JAKMIP3: variants seen among roughly 807,000 people sequenced by gnomAD.
The protein encoded by JAKMIP3 is janus kinase and microtubule-interacting protein 3.
A neutral mutation model predicts 118.5 loss-of-function variants in JAKMIP3; 58 were observed. The ratio of observed to expected loss-of-function variants is 0.49; its 90% CI spans 0.40 to 0.61. The LOEUF (loss-of-function observed/expected upper bound fraction) is 0.61, where lower values mean the gene tolerates loss of function less well. JAKMIP3 is among the 20% of genes least tolerant of loss of function. The pLI, the probability that JAKMIP3 is intolerant of heterozygous loss-of-function variation, is 0.00. For synonymous variants in JAKMIP3, 486 were observed against 451.2 expected (o/e 1.08, Z -0.98); for missense variants, 950 against 1,109.0 (o/e 0.86, Z 2.04).
Position 132,129,815 on chromosome 10 carries a change from G to T in JAKMIP3, c.634-3497G>T, listed in dbSNP as rs555535790. Among the ~76,000 whole-genome samples the T allele has an allele frequency of 2.6e-5, 4 of 151,732 alleles. No individual in the cohort carries two copies. In the South Asian group the frequency reaches 8.3e-4, roughly 32 times the overall value. ...TTCTAGACTTGTTCATCGCAGAAGG[G>T]TAAGTCTAATGCCAACTACCCCATC... On this transcript the variant is annotated intron_variant, in intron 3 of 23. Coordinates refer to ENST00000684848, the MANE Select transcript of JAKMIP3 (RefSeq NM_001323087.2).
chr10:132,120,887 C>T (rs944024048), intron 3 of JAKMIP3, among the ~76,000 whole-genome samples: 7 of 152,190 alleles, frequency 4.6e-5, no homozygotes, highest in South Asian at 2.1e-4. Flanking sequence ...GTTAAATCTA[C>T]GCGTGAGGTG....
In JAKMIP3 at chr10:132,116,979, G is replaced by A. The variant is rs1444497265; in HGVS notation, c.136-98G>A. 1.7e-5 allele frequency: 23 copies of A among 1,322,330 alleles called. No homozygotes were observed. The East Asian group carries it at 5.3e-4, about 31-fold the overall frequency. The allele number at this position is 1,322,330 out of a possible 1,614,324, so 81.9% of individuals were successfully genotyped here. ...CCCTTGAATACACATTCAGGTGTGA[G>A]TGTGTGCAACGTGGAAGCTCCCCCA... On this transcript the variant is annotated intron_variant, in intron 2 of 23. Transcript: ENST00000684848.
At chr10:132,147,900 C>G (rs1012259439) in intron 13 of JAKMIP3, 52 bp from the exon 14 acceptor site, 46 of 1,349,962 alleles carry the variant, frequency 3.4e-5, no homozygotes, top group Admixed American at 2.4e-4. Flanking sequence ...CTCCCAAGAC[C>G]TCTGGTGAGA....
chr10:132,177,054 G>A (rs184432224), intron 23 of JAKMIP3, among the ~76,000 whole-genome samples: 2 of 152,274 alleles, frequency 1.3e-5, no homozygotes, highest in Admixed American at 6.5e-5. Flanking sequence ...GAAACTGAAC[G>A]ACTGACTTGA....
intron 3 of JAKMIP3, among the ~76,000 whole-genome samples, chr10:132,127,275 G>A (rs1266346061): frequency 6.7e-6 from 1 of 148,602 alleles, no homozygotes; most frequent in African/African-American, 2.5e-5. Flanking sequence ...CCAGGCTAGA[G>A]TGCAATGGTG....
At chr10:132,077,984 G>A (rs2041096699) in intron 1 of JAKMIP3, among the ~76,000 whole-genome samples, 1 of 152,162 alleles carries the variant, frequency 6.6e-6, no homozygotes, top group South Asian at 2.1e-4. Context: ...GCTAATTTTT[G>A]TATTTTTAGT....
At chr10:132,085,564 G>A (rs1442143170) in intron 1 of JAKMIP3, among the ~76,000 whole-genome samples, 7 of 150,714 alleles carry the variant, frequency 4.6e-5, no homozygotes, top group African/African-American at 1.2e-4. Flanking sequence ...GCAGTGGTGC[G>A]ATCTTGGCTC....
intron 1 of JAKMIP3, among the ~76,000 whole-genome samples, chr10:132,050,483 G>A (rs2038066982): frequency 6.6e-6 from 1 of 152,194 alleles, no homozygotes; most frequent in African/African-American, 2.4e-5. Context: ...GGAGGATGTG[G>A]GGCCTGGATT....
intron 9 of JAKMIP3, among the ~76,000 whole-genome samples, chr10:132,138,628 A>G (rs937781146): frequency 2.6e-5 from 4 of 152,234 alleles, no homozygotes; most frequent in African/African-American, 7.2e-5. Flanking sequence ...CATTTTTAAT[A>G]AACTTGTTTC....
At position 132,149,477 on chromosome 10, in the gene JAKMIP3, C is replaced by G; in HGVS notation, c.1914C>G (p.Pro638=). Residue 638 remains proline, a synonymous_variant, in exon 15 of 24, where the codon CCC becomes CCG. Transcript: ENST00000684848. ...HHTPFVDGKS[P]LQVYCEAEGV... ...CGCCCTTCGTGGACGGGAAGAGCCC[C>G]CTCCAGGTGTACTGCGAGGCCGAAG... 1 of 1,604,264 alleles carries G rather than the reference C, an allele frequency of 6.2e-7. No individual in the cohort carries two copies.
intron 22 of JAKMIP3, 74 bp downstream of exon 22, chr10:132,167,129 C>CAGGG: frequency 7.7e-6 from 8 of 1,040,058 alleles, no homozygotes; most frequent in Non-Finnish European, 8.6e-6. Context: ...CCCTGCCCTG[C>CAGGG]CAGGGAGTTG....
At chr10:132,151,061 C>T (rs2056096674) in intron 16 of JAKMIP3, among the ~76,000 whole-genome samples, 1 of 151,976 alleles carries the variant, frequency 6.6e-6, no homozygotes, top group South Asian at 2.1e-4. Flanking sequence ...ACCCATTAAC[C>T]TTTCACCCAT....
intron 1 of JAKMIP3, among the ~76,000 whole-genome samples, chr10:132,082,442 T>G (rs191805228): frequency 2.3e-3 from 355 of 152,198 alleles, no homozygotes; most frequent in Middle Eastern, 0.014. Context: ...TGCCTCCTTG[T>G]AGCTTAGCTC....
Position 132,153,771 on chromosome 10 carries a change from A to T in JAKMIP3, c.2086A>T (p.Ile696Phe), listed in dbSNP as rs772117843. The T allele has an allele frequency of 6.2e-7, 1 of 1,613,074 alleles. No individual in the cohort carries two copies. Among genetic ancestry groups the T allele is most frequent in the South Asian group, 1.1e-5 (1 of 91,062 alleles). ...LTLAEKWLQQ[I>F]EETEAALQRK... ...TGTTTGTGTCCAGTGGCTCCAGCAG[A>T]TTGAGGAGACAGAGGCGGCGCTGCA... is the stretch of plus-strand genomic sequence containing the variant. Residue 696 changes from isoleucine to phenylalanine, a missense_variant, in exon 18 of 24, where the codon ATT (isoleucine) becomes TTT (phenylalanine). Physicochemically the swap from Ile to Phe is conservative, Grantham distance 21. Coordinates refer to ENST00000684848, the MANE Select transcript of JAKMIP3 (RefSeq NM_001323087.2).
intron 19 of JAKMIP3, 120 bp from the exon 20 acceptor site, chr10:132,163,089 C>A: frequency 1.0e-6 from 1 of 955,982 alleles, no homozygotes; most frequent in Non-Finnish European, 1.5e-6. Flanking sequence ...GGGTCCCTCC[C>A]TGTTGCATAT....
At chr10:132,143,147 T>G (rs11146210) in intron 11 of JAKMIP3, among the ~76,000 whole-genome samples, 32,984 of 147,082 alleles carry the variant, frequency 0.22, 3,938 homozygotes, top group East Asian at 0.32. Flanking sequence ...TGAGTCGGGG[T>G]GGGGGGGGCT....
chr10:132,066,435 T>C (rs2038787783), intron 1 of JAKMIP3, among the ~76,000 whole-genome samples: 1 of 152,184 alleles, frequency 6.6e-6, no homozygotes, highest in African/African-American at 2.4e-5. Context: ...TTGCCGGCTG[T>C]GGTGAGAATC....
intron 1 of JAKMIP3, among the ~76,000 whole-genome samples, chr10:132,087,558 G>C (rs1042001371): frequency 6.6e-6 from 1 of 151,888 alleles, no homozygotes; most frequent in Non-Finnish European, 1.5e-5. Context: ...ATATTTTCTT[G>C]TTCTTTTTTC....
At chr10:132,037,745 C>T (rs999731904) in intron 1 of JAKMIP3, among the ~76,000 whole-genome samples, 3 of 152,346 alleles carry the variant, frequency 2.0e-5, no homozygotes, top group Admixed American at 1.3e-4. Flanking sequence ...CAGCGGAAGG[C>T]GGGCAGGCAC....
Sources: gnomAD v4.1 joint callset for allele counts (sites outside exome capture counted in the v4.1 genomes callset) on GRCh38, gnomAD v4.1.1 for gene constraint, MANE v1.5 for transcripts, NCBI Gene and HGNC (gene_info 2026-07-23, HGNC 2026-07-21) for gene names.